Variants in R3HCC1L observed in about 807,000 individuals in gnomAD.
R3HCC1L encodes the protein R3H domain and coiled-coil containing 1 like.
Under a neutral mutation model 59.9 loss-of-function variants are expected in R3HCC1L, and 51 were observed. That is an observed-to-expected ratio of 0.85 (90% CI 0.68 to 1.07). The LOEUF is 1.07. R3HCC1L is among the 50% of genes least tolerant of loss of function. The pLI is 0.00. For missense variants in R3HCC1L, 965 were observed against 933.0 expected (o/e 1.03, Z -0.45); for synonymous variants, 322 against 315.2 (o/e 1.02, Z -0.23).
At position 98,235,476 on chromosome 10, in the gene R3HCC1L, C is replaced by T. The variant is rs1856827718; in HGVS notation, c.2084C>T (p.Ser695Leu). The T allele has an allele frequency of 6.2e-7, 1 of 1,613,738 alleles. No individual in the cohort carries two copies. The highest frequency in any genetic ancestry group is 8.5e-7 in the Non-Finnish European group (1 of 1,179,816). ...ACCATGGTGAAGATTCGTCCCTTGT[C>T]ACAGGCCACAAGAGCAGCCAAGGCC... Reference protein sequence around the residue: ...KHTMVKIRPLSQATRAAKAKA... With the variant: ...KHTMVKIRPLLQATRAAKAKA... The change falls in exon 8 of 10, where the codon TCA (serine) becomes TTA (leucine). Residue 695 changes from serine (S) to leucine (L), a missense_variant. Coordinates refer to ENST00000298999, the MANE Select transcript of R3HCC1L (RefSeq NM_001351015.2).
At chr10:98,188,994 G>T (rs529921139) in intron 4 of R3HCC1L, among the ~76,000 whole-genome samples, 1 of 152,278 alleles carries the variant, frequency 6.6e-6, no homozygotes, top group East Asian at 1.9e-4. Context: ...CAAGTGAGTT[G>T]TCAGGTGAGC....
rs1856933915 is a variant in R3HCC1L, at chr10:98,236,183, G to A, written c.2269+19G>A. 4.3e-6 allele frequency: 7 copies of A among 1,612,610 alleles called. No individual in the cohort carries two copies. The highest frequency in any genetic ancestry group is 4.2e-6 in the Non-Finnish European group (5 of 1,179,324). On this transcript the variant is annotated intron_variant, in intron 9 of 9. Coordinates refer to ENST00000298999, the MANE Select transcript of R3HCC1L (RefSeq NM_001351015.2). ...GCCAGAGGTGAGCTGAAAGGGTGGTGTTCTTCTCTAGGCCCTTCAGAACTC... is the reference window on the plus strand; with the variant it reads ...GCCAGAGGTGAGCTGAAAGGGTGGTATTCTTCTCTAGGCCCTTCAGAACTC...
intron 8 of R3HCC1L, 143 bp from the exon 9 acceptor site, chr10:98,235,881 A>G: frequency 2.1e-6 from 2 of 958,332 alleles, no homozygotes; most frequent in Non-Finnish European, 3.0e-6. Context: ...TCCTCTGATC[A>G]TCATCTATCA....
chr10:98,185,350 C>T lies in R3HCC1L; in HGVS notation c.-15+21953C>T, dbSNP rs116384402. Among the ~76,000 whole-genome samples, 369 of 152,018 alleles carry T rather than the reference C, an allele frequency of 2.4e-3. 3 individuals are homozygous for T. The highest frequency in any genetic ancestry group is 7.7e-3 in the African/African-American group (319 of 41,472). ...GAGCATATAGTTTAATGGGGAAGACCGGATAATTAAAGAGGTAATTATACT... is the reference window on the plus strand; with the variant it reads ...GAGCATATAGTTTAATGGGGAAGACTGGATAATTAAAGAGGTAATTATACT... On this transcript the variant is annotated intron_variant, in intron 4 of 9. Transcript: ENST00000298999.
rs77349290 is a variant in R3HCC1L at position 98,172,083 on chromosome 10, G to A, written c.-15+8686G>A. Among the ~76,000 whole-genome samples the A allele has an allele frequency of 3.9e-4, 59 of 151,994 alleles. No individual in the cohort carries two copies. In the East Asian group the frequency reaches 0.011, roughly 27 times the overall value. On this transcript the variant is annotated intron_variant, in intron 4 of 9. Transcript: ENST00000298999. ...CGCTATCCTTGGTGTTGGTAGAAAA[G>A]GTCTATTTGGTATGTCTAAGGCTCT...
chr10:98,169,147 T>A (rs987913063), intron 4 of R3HCC1L, among the ~76,000 whole-genome samples: 2 of 152,218 alleles, frequency 1.3e-5, no homozygotes, highest in Non-Finnish European at 2.9e-5. Context: ...CTTATCTTAC[T>A]TGGTTTTCTC....
chr10:98,205,912 T>G (rs1852583079), intron 4 of R3HCC1L, among the ~76,000 whole-genome samples: 1 of 152,150 alleles, frequency 6.6e-6, no homozygotes, highest in Admixed American at 6.5e-5. Context: ...GAGACAGAGC[T>G]CATTTCCTGG....
chr10:98,190,420 C>A (rs1850699956), intron 4 of R3HCC1L, among the ~76,000 whole-genome samples: 1 of 152,198 alleles, frequency 6.6e-6, no homozygotes, highest in South Asian at 2.1e-4. Context: ...GCTCTACAAC[C>A]AGAATTACAA....
intron 4 of R3HCC1L, among the ~76,000 whole-genome samples, chr10:98,173,923 G>GTGT (rs888211069): frequency 2.6e-4 from 40 of 152,180 alleles, no homozygotes; most frequent in African/African-American, 8.9e-4. Flanking sequence ...GGGCAGAGAA[G>GTGT]TGTCTGTGAG....
At chr10:98,193,719 A>G (rs1047227829) in intron 4 of R3HCC1L, among the ~76,000 whole-genome samples, 2 of 152,188 alleles carry the variant, frequency 1.3e-5, no homozygotes, top group African/African-American at 4.8e-5. Context: ...GAATGCTTCA[A>G]TGAGCATTTC....
intron 5 of R3HCC1L, among the ~76,000 whole-genome samples, chr10:98,229,808 C>CA (rs1013698829): frequency 1.3e-4 from 20 of 152,226 alleles, no homozygotes; most frequent in Admixed American, 1.3e-3. Flanking sequence ...TGAATTTTGT[C>CA]AAAGACCTTT....
At position 98,209,142 on chromosome 10, in the gene R3HCC1L, T is replaced by C; in HGVS notation, c.1028T>C (p.Leu343Ser). ...AAGAATGACAGCACTGCTGATGAGT[T>C]ACATGTAAAGCACGAACCTCCTGAT... ...CEKNDSTADE[L>S]HVKHEPPDTA... The change falls in exon 5 of 10, where the codon TTA becomes TCA. Residue 343 changes from leucine (L) to serine (S), a missense_variant. Physicochemically the swap from Leu to Ser is moderately radical, Grantham distance 145. Transcript: ENST00000298999. The C allele has an allele frequency of 6.2e-7, 1 of 1,613,996 alleles. No homozygotes were observed. Among genetic ancestry groups the C allele is most frequent in the East Asian group, 2.2e-5 (1 of 44,860 alleles).
chr10:98,228,130 T>C (rs1459685187), intron 5 of R3HCC1L, among the ~76,000 whole-genome samples: 2 of 152,220 alleles, frequency 1.3e-5, no homozygotes, highest in Admixed American at 6.5e-5. Context: ...ATGGTATTTC[T>C]AGTTCTAGAT....
chr10:98,213,803 C>T (rs1853861446), intron 5 of R3HCC1L, among the ~76,000 whole-genome samples: 1 of 152,202 alleles, frequency 6.6e-6, no homozygotes, highest in Non-Finnish European at 1.5e-5. Context: ...AAAGTTCCAG[C>T]TCATTTTAAC....
In R3HCC1L at chr10:98,219,557, A is replaced by G. The variant is rs144635230; in HGVS notation, c.1785+9658A>G. Among the ~76,000 whole-genome samples, 558 of 152,174 alleles carry G rather than the reference A, an allele frequency of 3.7e-3. 1 individual carries two copies. The highest frequency in any genetic ancestry group is 4.9e-3 in the Non-Finnish European group (334 of 68,014). Reference sequence around the variant, plus strand: ...CAGTTTGATGGTTTTCTGTGGTGGTAACATTTGACTTCTTTCTCTCATTTG... The same window carrying G: ...CAGTTTGATGGTTTTCTGTGGTGGTGACATTTGACTTCTTTCTCTCATTTG... On this transcript the variant is annotated intron_variant, in intron 5 of 9. Transcript: ENST00000298999.
chr10:98,208,765 A>G lies in R3HCC1L; in HGVS notation c.651A>G (p.Leu217=), dbSNP rs761635846. 1.4e-5 allele frequency: 22 copies of G among 1,614,134 alleles called. No homozygotes were observed. The highest frequency in any genetic ancestry group is 1.3e-4 in the African/African-American group (10 of 75,056). Residue 217 remains leucine (L), a synonymous_variant, in exon 5 of 10, where the codon CTA becomes CTG. Transcript: ENST00000298999. ...IETDTKVLEI[L]YEFPRVFSSV... ...CTGATACCAAGGTTTTGGAGATACT[A>G]TATGAGTTTCCTAGAGTTTTTAGTT... is the stretch of plus-strand genomic sequence containing the variant.
intron 4 of R3HCC1L, among the ~76,000 whole-genome samples, chr10:98,172,675 C>T (rs761194324): frequency 1.3e-5 from 2 of 152,218 alleles, no homozygotes; most frequent in Non-Finnish European, 2.9e-5. Flanking sequence ...CTCTGAAATA[C>T]TTTCTAACCA....
At chr10:98,209,977 T>C in intron 5 of R3HCC1L, 78 bp downstream of exon 5, 1 of 1,135,482 alleles carries the variant, frequency 8.8e-7, no homozygotes, top group East Asian at 2.4e-5. Context: ...TAGACAGTGA[T>C]GCACATTCAC....
chr10:98,136,573 C>T (rs1240526860), intron 1 of R3HCC1L, among the ~76,000 whole-genome samples: 2 of 152,148 alleles, frequency 1.3e-5, no homozygotes, highest in Admixed American at 1.3e-4. Flanking sequence ...CGGTGCCTCA[C>T]GCCTGTAATC....
Sources: gnomAD v4.1 joint callset for allele counts (sites outside exome capture counted in the v4.1 genomes callset) on GRCh38, gnomAD v4.1.1 for gene constraint, MANE v1.5 for transcripts, NCBI Gene and HGNC (gene_info 2026-07-23, HGNC 2026-07-21) for gene names.